ARHGEF7: variants seen among roughly 807,000 people sequenced by gnomAD.
The protein encoded by ARHGEF7 is PAK-interacting exchange factor beta.
ARHGEF7 carries 33 observed loss-of-function variants against 109.8 expected under a neutral mutation model. The observed-to-expected ratio is 0.30, with a 90% CI of 0.23 to 0.40. The LOEUF (loss-of-function observed/expected upper bound fraction) is 0.40. Among genes scored for constraint, ARHGEF7 ranks in the 10% least tolerant of loss-of-function variants. ARHGEF7 has a pLI of 1.00. For synonymous variants in ARHGEF7, 458 were observed against 424.6 expected (o/e 1.08, Z -0.97); for missense variants, 938 against 1,098.5 (o/e 0.85, Z 2.07).
chr13:111,115,687 A>G lies in ARHGEF7; in HGVS notation c.161A>G (p.Glu54Gly). Residue 54 changes from glutamate (E) to glycine (G), a missense_variant, in exon 1 of 22, where the codon GAG (glutamate) becomes GGG (glycine). This residue lies in a region of ARHGEF7 where 165 missense variants were observed against 125.8 expected (regional missense o/e 1.31). Transcript: ENST00000646102. Reference sequence around the variant, plus strand: ...GAGCGCCTGCTCCCCGGGACCATCGAGAAAGTAAGTCCCGGCCCGCGCCCC... The same window carrying G: ...GAGCGCCTGCTCCCCGGGACCATCGGGAAAGTAAGTCCCGGCCCGCGCCCC... ...LLERLLPGTIEKVYPEPRSES... is the reference protein window; with the variant it reads ...LLERLLPGTIGKVYPEPRSES... The G allele has an allele frequency of 8.0e-7, 1 of 1,256,144 alleles. No individual in the cohort carries two copies. The highest frequency in any genetic ancestry group is 1.0e-6 in the Non-Finnish European group (1 of 993,502). The allele number at this position is 1,256,144 out of a possible 1,614,324, so 77.8% of individuals were successfully genotyped here.
intron 4 of ARHGEF7, among the ~76,000 whole-genome samples, chr13:111,215,228 A>T (rs2082972990): frequency 1.3e-5 from 2 of 151,936 alleles, no homozygotes; most frequent in South Asian, 4.2e-4. Context: ...GTTCTTAAGG[A>T]GTGCTTTCTA....
intron 2 of ARHGEF7, among the ~76,000 whole-genome samples, chr13:111,197,792 G>T (rs1184348337): frequency 6.6e-6 from 1 of 152,104 alleles, no homozygotes; most frequent in East Asian, 1.9e-4. Context: ...GCGGGCCCGG[G>T]TGCCTAAAGA....
intron 2 of ARHGEF7, among the ~76,000 whole-genome samples, chr13:111,194,800 A>G (rs144807979): frequency 0.01 from 1,541 of 152,294 alleles, 22 homozygotes; most frequent in African/African-American, 0.036. Context: ...GTAAGTTGGG[A>G]TGTGTGGTCT....
At position 111,258,912 on chromosome 13, in the gene ARHGEF7, C is replaced by G. The variant is rs2090769676; in HGVS notation, c.951-8636C>G. 6.6e-6 allele frequency among the ~76,000 whole-genome samples: 1 copy of G among 152,076 alleles called. No homozygotes were observed. The highest frequency in any genetic ancestry group is 2.4e-5 in the African/African-American group (1 of 41,390). ...ACAAACTGACTGAAGAGTCCTTGGG[C>G]CTTGAAGGAACATTAGCAATAAACA... On this transcript the variant is annotated intron_variant, in intron 8 of 21. Coordinates refer to ENST00000646102, the MANE Select transcript of ARHGEF7 (RefSeq NM_001354046.2). The surrounding 1 kb of genome is among the most constrained non-coding windows in gnomAD (Gnocchi z 4.4).
intron 1 of ARHGEF7, among the ~76,000 whole-genome samples, chr13:111,119,288 T>C (rs1180497634): frequency 1.3e-5 from 2 of 152,230 alleles, no homozygotes; most frequent in African/African-American, 2.4e-5. Flanking sequence ...TAAGGCCCCA[T>C]CCTGAGATAC....
At chr13:111,287,422 T>C (rs896577138) in intron 17 of ARHGEF7, among the ~76,000 whole-genome samples, 20 of 152,340 alleles carry the variant, frequency 1.3e-4, no homozygotes, top group Admixed American at 7.2e-4. Context: ...AGACCATCGT[T>C]CATGGACGCG....
chr13:111,196,023 GATTGGGTAATAAACTTA>G (rs1359444589), intron 2 of ARHGEF7, among the ~76,000 whole-genome samples: 3 of 152,310 alleles, frequency 2.0e-5, no homozygotes, highest in Middle Eastern at 3.4e-3. Context: ...ATCTGCGGCT[GATTGGGTAATAAACTTA>G]TCTTTTAGGA....
chr13:111,206,969 A>G (rs984160680), intron 3 of ARHGEF7, among the ~76,000 whole-genome samples: 7 of 141,028 alleles, frequency 5.0e-5, no homozygotes, highest in Non-Finnish European at 7.9e-5. Flanking sequence ...CTAAAAAAAA[A>G]AAAAAAGAAA....
At chr13:111,198,574 T>G (rs1203708065) in intron 2 of ARHGEF7, among the ~76,000 whole-genome samples, 1 of 152,086 alleles carries the variant, frequency 6.6e-6, no homozygotes, top group African/African-American at 2.4e-5. Context: ...TTAAAGGTGG[T>G]GTGTCCGGAG....
At chr13:111,243,633 A>G (rs952267122) in intron 6 of ARHGEF7, among the ~76,000 whole-genome samples, 1 of 152,232 alleles carries the variant, frequency 6.6e-6, no homozygotes, top group African/African-American at 2.4e-5. Flanking sequence ...CATGCTAGGT[A>G]TACCTGTCAG....
At chr13:111,226,101 T>C (rs549513119) in intron 5 of ARHGEF7, among the ~76,000 whole-genome samples, 46 of 152,348 alleles carry the variant, frequency 3.0e-4, no homozygotes, top group African/African-American at 1.0e-3. Flanking sequence ...ATTGCTGATA[T>C]GGAGAAAGTT....
At chr13:111,116,707 TGAC>T (rs1341973750) in intron 1 of ARHGEF7, 2 of 151,890 alleles carry the variant, frequency 1.3e-5, no homozygotes, top group African/African-American at 4.9e-5. Flanking sequence ...CCATACAGGA[TGAC>T]AACAACTTGT....
chr13:111,122,235 G>A (rs1411936705), intron 1 of ARHGEF7, among the ~76,000 whole-genome samples: 2 of 152,182 alleles, frequency 1.3e-5, no homozygotes, highest in Non-Finnish European at 2.9e-5. Context: ...GGAGCGGGAG[G>A]GCTGAGCGGG....
At chr13:111,230,884 T>C (rs1338994909) in intron 5 of ARHGEF7, among the ~76,000 whole-genome samples, 2 of 152,362 alleles carry the variant, frequency 1.3e-5, no homozygotes, top group Non-Finnish European at 2.9e-5. Flanking sequence ...CTGCCTGTTT[T>C]TTATTTTTAT....
chr13:111,292,681 G>A (rs2093326625), intron 19 of ARHGEF7: 2 of 1,058,046 alleles, frequency 1.9e-6, no homozygotes, highest in Non-Finnish European at 2.3e-6. Context: ...ATTTTATACT[G>A]AAATCACACA....
rs2074761304 is a variant in ARHGEF7 at position 111,131,674 on chromosome 13, C to T, written c.165+15983C>T. ...TGGTCAGAGGCCATTAGGAGACGGGCAGTGACCTGAGGTCAGGGGACGAGA... is the reference window on the plus strand; with the variant it reads ...TGGTCAGAGGCCATTAGGAGACGGGTAGTGACCTGAGGTCAGGGGACGAGA... On this transcript the variant is annotated intron_variant, in intron 1 of 21. Coordinates refer to ENST00000646102, the MANE Select transcript of ARHGEF7 (RefSeq NM_001354046.2). The surrounding 1 kb of genome is among the most constrained non-coding windows in gnomAD (Gnocchi z 4.4). Among the ~76,000 whole-genome samples, 1 of 152,104 alleles carries T rather than the reference C, an allele frequency of 6.6e-6. No individual in the cohort carries two copies. The highest frequency in any genetic ancestry group is 2.4e-5 in the African/African-American group (1 of 41,408).
intron 2 of ARHGEF7, among the ~76,000 whole-genome samples, chr13:111,169,888 A>G (rs1222275607): frequency 6.6e-6 from 1 of 152,160 alleles, no homozygotes; most frequent in African/African-American, 2.4e-5. Context: ...CAAAGGAATG[A>G]GCGTGTGAAC....
chr13:111,232,571 A>G (rs760703205), intron 5 of ARHGEF7, among the ~76,000 whole-genome samples: 5 of 152,288 alleles, frequency 3.3e-5, no homozygotes, highest in Middle Eastern at 3.4e-3. Flanking sequence ...TGTTGAATGG[A>G]TGTGGAGTGA....
intron 19 of ARHGEF7, chr13:111,292,604 GT>G (rs925125187): frequency 4.0e-6 from 5 of 1,242,714 alleles, no homozygotes; most frequent in Non-Finnish European, 4.0e-6. Flanking sequence ...GCTCCAAATG[GT>G]TTTTTTATTC....
Sources: allele counts gnomAD v4.1 joint callset (sites outside exome capture counted in the v4.1 genomes callset), GRCh38; gene constraint gnomAD v4.1.1; regional missense constraint gnomAD v4.1.1; non-coding constraint Gnocchi (gnomAD v3.1); transcripts MANE v1.5; gene names NCBI Gene and HGNC (gene_info 2026-07-23, HGNC 2026-07-21).